CDK14: variants seen among roughly 807,000 people sequenced by gnomAD.
CDK14 encodes the protein cyclin-dependent kinase 14.
A neutral mutation model predicts 60.7 loss-of-function variants in CDK14; 34 were observed. The ratio of observed to expected loss-of-function variants is 0.56; its 90% CI spans 0.43 to 0.75. The LOEUF (loss-of-function observed/expected upper bound fraction) is 0.75. CDK14 is among the 30% of genes least tolerant of loss of function. The pLI is 0.00. For missense variants in CDK14, 482 were observed against 564.1 expected (o/e 0.85, Z 1.47); for synonymous variants, 197 against 203.7 (o/e 0.97, Z 0.28).
chr7:90,750,364 T>C (rs1427887150), intron 4 of CDK14, among the ~76,000 whole-genome samples: 1 of 152,096 alleles, frequency 6.6e-6, no homozygotes, highest in African/African-American at 2.4e-5. Flanking sequence ...ACACTAACTC[T>C]CCAGCAATAA....
intron 10 of CDK14, among the ~76,000 whole-genome samples, chr7:90,986,035 A>G (rs1367826092): frequency 6.6e-6 from 1 of 152,128 alleles, no homozygotes; most frequent in Non-Finnish European, 1.5e-5. Context: ...ATTTGGACAT[A>G]TATCTTCTAT....
At chr7:91,173,581 G>A (rs973226502) in intron 14 of CDK14, among the ~76,000 whole-genome samples, 16 of 151,990 alleles carry the variant, frequency 1.1e-4, no homozygotes, top group Middle Eastern at 3.4e-3. Context: ...GACAGTGGGC[G>A]CAGGTCAGTG....
intron 10 of CDK14, among the ~76,000 whole-genome samples, chr7:90,986,433 C>A (rs964460504): frequency 1.3e-5 from 2 of 151,952 alleles, no homozygotes; most frequent in African/African-American, 4.8e-5. Flanking sequence ...AAGAAAATCT[C>A]TTATTCACTT....
At chr7:90,880,176 T>C (rs1344126631) in intron 6 of CDK14, among the ~76,000 whole-genome samples, 1 of 152,198 alleles carries the variant, frequency 6.6e-6, no homozygotes, top group African/African-American at 2.4e-5. Context: ...GACTCACAAC[T>C]GCCAAACATG....
At chr7:90,635,146 C>A (rs1298920279) in intron 2 of CDK14, among the ~76,000 whole-genome samples, 1 of 152,130 alleles carries the variant, frequency 6.6e-6, no homozygotes, top group East Asian at 1.9e-4. Context: ...AATTAGATCC[C>A]ATTTGTCAAT....
intron 9 of CDK14, among the ~76,000 whole-genome samples, chr7:90,971,320 G>C (rs746512799): frequency 6.6e-6 from 1 of 152,146 alleles, no homozygotes; most frequent in Non-Finnish European, 1.5e-5. Flanking sequence ...GGTTAGTACA[G>C]TGGCAGCTCA....
chr7:91,161,048 C>T (rs10243839), intron 14 of CDK14, among the ~76,000 whole-genome samples: 1 of 152,146 alleles, frequency 6.6e-6, no homozygotes, highest in Non-Finnish European at 1.5e-5. Context: ...CCCACATACA[C>T]CTTGGAAAGG....
Position 90,619,139 on chromosome 7 carries a change from G to A in CDK14, c.123+14890G>A, listed in dbSNP as rs150199843. Among the ~76,000 whole-genome samples the A allele has an allele frequency of 9.7e-3, 1,472 of 152,224 alleles. 55 individuals carry two copies. Among genetic ancestry groups the A allele is most frequent in the Admixed American group, 0.073 (1,111 of 15,286 alleles). On this transcript the variant is annotated intron_variant, in intron 2 of 14. Transcript: ENST00000380050. ...AGACTGGTGGCGGTGAGTGTGATGC[G>A]TGGATCCCAGTTGTAACATCTGTTT...
chr7:90,981,803 G>GAAACAAAACAAAACAAAACAA (rs1554397477), intron 9 of CDK14, among the ~76,000 whole-genome samples: 2 of 148,492 alleles, frequency 1.3e-5, no homozygotes, highest in East Asian at 2.0e-4. Context: ...GAGAGTTCTA[G>GAAACAAAACAAAACAAAACAA]AAACAAAACA....
chr7:90,596,699 GGA>G lies in CDK14; in HGVS notation c.76_77del (p.Ser26PhefsTer10). 6.2e-7 allele frequency: 1 copy of G among 1,611,944 alleles called. No individual in the cohort carries two copies. The highest frequency in any genetic ancestry group is 8.5e-7 in the Non-Finnish European group (1 of 1,179,264). On this transcript the variant is annotated frameshift_variant, in exon 1 of 15. Coordinates refer to ENST00000380050, the MANE Select transcript of CDK14 (RefSeq NM_001287135.2). LOFTEE classifies it high-confidence loss of function. The stretch of plus-strand genomic sequence containing the variant: ...TGAAGAAGTTGCGGAGAACTTTGTC[GGA>G]GAGTTTCAGTCGCATTGGTGAGTAG... ...KMKKLRRTLS[E>X]SFSRIALKKD...
chr7:90,988,986 G>GTGTGTT (rs1473341570), intron 10 of CDK14, among the ~76,000 whole-genome samples: 1 of 88,974 alleles, frequency 1.1e-5, no homozygotes, highest in African/African-American at 4.0e-5. Flanking sequence ...CAGAATTTGA[G>GTGTGTT]TGTGTTTGTG....
At chr7:90,972,504 A>G (rs62468485) in intron 9 of CDK14, among the ~76,000 whole-genome samples, 5,274 of 152,310 alleles carry the variant, frequency 0.035, 116 homozygotes, top group South Asian at 0.071. Flanking sequence ...TATTTTACAT[A>G]TATATACATT....
At chr7:90,629,271 C>T (rs1302630247) in intron 2 of CDK14, among the ~76,000 whole-genome samples, 1 of 152,126 alleles carries the variant, frequency 6.6e-6, no homozygotes, top group Non-Finnish European at 1.5e-5. Context: ...GATGCCACCC[C>T]ACCATCTAAA....
At chr7:91,001,118 A>G (rs1173225846) in intron 10 of CDK14, among the ~76,000 whole-genome samples, 2 of 152,176 alleles carry the variant, frequency 1.3e-5, no homozygotes, top group Non-Finnish European at 2.9e-5. Context: ...TTGGTTAGAG[A>G]TGCTTTCTTT....
At chr7:91,152,375 A>G (rs1800851214) in intron 14 of CDK14, among the ~76,000 whole-genome samples, 1 of 152,196 alleles carries the variant, frequency 6.6e-6, no homozygotes, top group South Asian at 2.1e-4. Context: ...GTTTACTTCT[A>G]TGCATCTCTT....
rs549297633 is a variant in CDK14, at chr7:90,720,414, C to T, written c.124-6153C>T. Among the ~76,000 whole-genome samples the T allele has an allele frequency of 3.9e-5, 6 of 152,288 alleles. No individual in the cohort carries two copies. The East Asian group carries it at 7.7e-4, about 20-fold the overall frequency. ...AGTGCGTAGAATGTCTGAGGGTCTC[C>T]TGTATCCAGAATGTTCACAGCTCAT... is the stretch of plus-strand genomic sequence containing the variant. On this transcript the variant is annotated intron_variant, in intron 2 of 14. Coordinates refer to ENST00000380050, the MANE Select transcript of CDK14 (RefSeq NM_001287135.2).
rs541775832 is a variant in CDK14, at chr7:91,015,722, G to A, written c.1042-30175G>A. Among the ~76,000 whole-genome samples, 19 of 150,934 alleles carry A rather than the reference G, an allele frequency of 1.3e-4. No homozygotes were observed. In the South Asian group the frequency reaches 3.6e-3, roughly 29 times the overall value. On this transcript the variant is annotated intron_variant, in intron 10 of 14. Transcript: ENST00000380050. ...TTTTGTATTTTTTTTAGTAGAGATG[G>A]GGTTGTCTTGGTTTTTTTATACCTT...
intron 3 of CDK14, among the ~76,000 whole-genome samples, chr7:90,738,411 G>A (rs546324153): frequency 1.3e-5 from 2 of 152,316 alleles, no homozygotes; most frequent in African/African-American, 2.4e-5. Flanking sequence ...AACTAGAGCT[G>A]TCAAGGGTTA....
chr7:90,708,904 C>A (rs1317168768), intron 2 of CDK14, among the ~76,000 whole-genome samples: 1 of 152,104 alleles, frequency 6.6e-6, no homozygotes, highest in African/African-American at 2.4e-5. Context: ...ACAGGAACTC[C>A]TTTAAAAAAG....
Sources: allele counts gnomAD v4.1 joint callset (sites outside exome capture counted in the v4.1 genomes callset), GRCh38; gene constraint gnomAD v4.1.1; transcripts MANE v1.5; gene names NCBI Gene and HGNC (gene_info 2026-07-23, HGNC 2026-07-21).